The following NCAPD3 variants were observed in gnomAD, a reference collection of about 807,000 sequenced individuals.
NCAPD3 encodes the protein non-SMC condensin II complex subunit D3.
NCAPD3 carries 105 observed loss-of-function variants against 182.9 expected under a neutral mutation model. The ratio of observed to expected loss-of-function variants is 0.57; its 90% CI spans 0.49 to 0.68. The LOEUF is 0.68. Among genes scored for constraint, NCAPD3 ranks in the 30% least tolerant of loss-of-function variants. NCAPD3 has a pLI of 0.00. For missense variants in NCAPD3, 1,944 were observed against 1,837.0 expected (o/e 1.06, Z -1.07); for synonymous variants, 815 against 679.9 (o/e 1.20, Z -3.09).
chr11:134,171,723 T>C (rs1190932162), intron 24 of NCAPD3, among the ~76,000 whole-genome samples: 1 of 152,198 alleles, frequency 6.6e-6, no homozygotes, highest in African/African-American at 2.4e-5. Flanking sequence ...CCATGTACTC[T>C]GCACTCCAGG....
chr11:134,161,788 T>C lies in NCAPD3; in HGVS notation c.3677A>G (p.Tyr1226Cys), dbSNP rs1369149011. Residue 1226 changes from tyrosine (Y) to cysteine (C), a missense_variant, in exon 28 of 35, where the codon TAT becomes TGT. Physicochemically the swap from Tyr to Cys is radical, Grantham distance 194 (BLOSUM62 -2). Coordinates refer to ENST00000534548, the MANE Select transcript of NCAPD3 (RefSeq NM_015261.3). ...CACAGGCTCCACCCTTACCCTGAGA[T>C]AGTGCATGAGTTCCCGCAAAGCTGG... is the stretch of plus-strand genomic sequence containing the variant. ...KIPALRELMH[Y>C]LREVMQDYRD... 2.6e-6 allele frequency: 4 copies of C among 1,551,596 alleles called. No homozygotes were observed. The highest frequency in any genetic ancestry group is 3.5e-6 in the Non-Finnish European group (4 of 1,126,960).
chr11:134,173,203 G>GC (rs1306983311), intron 24 of NCAPD3: 1 of 152,862 alleles, frequency 6.5e-6, no homozygotes, highest in Non-Finnish European at 1.5e-5. Context: ...GACTACTGAG[G>GC]CCCCCAACCT....
intron 16 of NCAPD3, among the ~76,000 whole-genome samples, chr11:134,187,322 G>GA (rs1944430306): frequency 2.6e-5 from 4 of 152,132 alleles, no homozygotes; most frequent in Admixed American, 2.0e-4. Flanking sequence ...TTGCTGATTT[G>GA]AAAAGCTCTA....
At chr11:134,208,740 G>T in intron 7 of NCAPD3, 124 bp downstream of exon 7, 1 of 686,880 alleles carries the variant, frequency 1.5e-6, no homozygotes, top group South Asian at 1.8e-5. Flanking sequence ...AATAATATAA[G>T]GTCATGAAAA....
In NCAPD3 at chr11:134,151,673, A is replaced by C. The variant is rs574099365; in HGVS notation, c.*1271T>G. 19 of 152,340 alleles carry C rather than the reference A, an allele frequency of 1.2e-4. No homozygotes were observed. The highest frequency in any genetic ancestry group is 3.6e-4 in the African/African-American group (15 of 41,580). The allele number at this position is 152,340 out of a possible 1,614,324, so 9.4% of individuals were successfully genotyped here. On this transcript the variant is annotated 3_prime_UTR_variant, in exon 35 of 35. Coordinates refer to ENST00000534548, the MANE Select transcript of NCAPD3 (RefSeq NM_015261.3). The stretch of plus-strand genomic sequence containing the variant: ...TGCCTTTGGATGGATGTTGCTGTAC[A>C]CAGATGCTACAGACTTGTACTAACA...
At chr11:134,224,317 C>A, upstream of NCAPD3, 1 of 302,868 alleles carries the variant, frequency 3.3e-6, no homozygotes, top group Non-Finnish European at 6.3e-6. Context: ...ATTTCGCGTG[C>A]GTGTCAAAGG....
At chr11:134,217,699 T>C (rs977420957) in intron 2 of NCAPD3, among the ~76,000 whole-genome samples, 5 of 152,164 alleles carry the variant, frequency 3.3e-5, no homozygotes, top group African/African-American at 9.6e-5. Flanking sequence ...AACCTAAACA[T>C]AGCAGGAACT....
intron 27 of NCAPD3, among the ~76,000 whole-genome samples, chr11:134,164,901 G>A (rs1009345285): frequency 3.3e-5 from 5 of 151,942 alleles, no homozygotes; most frequent in East Asian, 1.9e-4. Context: ...AGCTTAGGGG[G>A]AGCTGCACAC....
At position 134,151,348 on chromosome 11, in the gene NCAPD3, C is replaced by A. The variant is rs1404077081; in HGVS notation, c.*1596G>T. 6.6e-6 allele frequency: 1 copy of A among 152,178 alleles called. No homozygotes were observed. The highest frequency in any genetic ancestry group is 2.1e-4 in the South Asian group (1 of 4,824). 9.4% of individuals were successfully genotyped at this position (152,178 alleles called of 1,614,324 possible). On this transcript the variant is annotated 3_prime_UTR_variant, in exon 35 of 35. Transcript: ENST00000534548. ...ATCCTGGATGCTTAGCATGCAAGTT[C>A]CCTCCATCATTGCCACCTTGGTAGA...
chr11:134,221,075 C>T (rs958887324), intron 1 of NCAPD3, among the ~76,000 whole-genome samples: 14 of 152,146 alleles, frequency 9.2e-5, no homozygotes, highest in East Asian at 1.9e-4. Context: ...AGATTGCCCA[C>T]GAGGTTCCTT....
intron 24 of NCAPD3, among the ~76,000 whole-genome samples, chr11:134,172,548 G>A (rs531932376): frequency 7.2e-5 from 11 of 152,268 alleles, no homozygotes; most frequent in Admixed American, 3.3e-4. Context: ...ATTATTTGAG[G>A]CGCTGTCCTG....
chr11:134,213,081 C>G (rs989125324), intron 3 of NCAPD3, among the ~76,000 whole-genome samples: 13 of 152,082 alleles, frequency 8.5e-5, no homozygotes, highest in African/African-American at 3.1e-4. Context: ...CAATCCCAGC[C>G]CTTTGGGAGG....
chr11:134,223,830 T>C (rs12803807), intron 1 of NCAPD3, 33 bp downstream of exon 1: 160,847 of 1,561,226 alleles, frequency 0.1, 8,763 homozygotes, highest in Admixed American at 0.12. Context: ...ACCCTCGCCC[T>C]GGCCCCCGGG....
chr11:134,176,289 C>A lies in NCAPD3; in HGVS notation c.3101+18G>T, dbSNP rs759748301. 4 of 1,606,656 alleles carry A rather than the reference C, an allele frequency of 2.5e-6. No individual in the cohort carries two copies. The highest frequency in any genetic ancestry group is 3.4e-6 in the Non-Finnish European group (4 of 1,173,236). On this transcript the variant is annotated intron_variant, in intron 24 of 34. Transcript: ENST00000534548. The stretch of plus-strand genomic sequence containing the variant: ...TGAGGTAAACTGTTGAGTCGTCTGA[C>A]GTGAGGAAAAGATTTACCTGGCAAT...
intron 20 of NCAPD3, among the ~76,000 whole-genome samples, chr11:134,180,642 C>T (rs985840073): frequency 7.9e-5 from 12 of 152,172 alleles, no homozygotes; most frequent in African/African-American, 2.9e-4. Context: ...CATTACTTGG[C>T]AATTGCTCAG....
intron 27 of NCAPD3, among the ~76,000 whole-genome samples, chr11:134,166,935 G>A (rs1432610604): frequency 7.9e-6 from 1 of 126,066 alleles, no homozygotes; most frequent in African/African-American, 3.2e-5. Context: ...TGAGCTTAGG[G>A]GAGCTGCACA....
chr11:134,163,571 G>C (rs1007437543), intron 27 of NCAPD3, among the ~76,000 whole-genome samples: 2 of 151,950 alleles, frequency 1.3e-5, no homozygotes, highest in Non-Finnish European at 2.9e-5. Context: ...GTGGTGGCTG[G>C]TGCCTGTAGT....
At chr11:134,167,169 T>C (rs1302050198) in intron 27 of NCAPD3, among the ~76,000 whole-genome samples, 1 of 90,322 alleles carries the variant, frequency 1.1e-5, no homozygotes, top group Admixed American at 1.3e-4. Flanking sequence ...GAGGTGAGCT[T>C]GGGGGAGGCG....
Position 134,177,242 on chromosome 11 carries a change from TGA to T in NCAPD3, c.2996_2997del (p.Leu999HisfsTer59), listed in dbSNP as rs747434417. 1 of 1,614,080 alleles carries T rather than the reference TGA, an allele frequency of 6.2e-7. No individual in the cohort carries two copies. Among genetic ancestry groups the T allele is most frequent in the Non-Finnish European group, 8.5e-7 (1 of 1,179,884 alleles). On this transcript the variant is annotated frameshift_variant, in exon 23 of 35. Transcript: ENST00000534548. LOFTEE classifies it high-confidence loss of function. ...ACCTGCAAGAGATTGGTAAGCAAGA[TGA>T]GTGTCTGCTTCCGGATGAATGGGTC... is the stretch of plus-strand genomic sequence containing the variant. ...DSDPFIRKQT[L>X]ILLTNLLQEE... is the part of the protein sequence containing the mutation.
Sources: allele counts gnomAD v4.1 joint callset (sites outside exome capture counted in the v4.1 genomes callset), GRCh38; gene constraint gnomAD v4.1.1; transcripts MANE v1.5; gene names NCBI Gene and HGNC (gene_info 2026-07-23, HGNC 2026-07-21).